Variants in PRDM16 observed in about 807,000 individuals in gnomAD.
The protein encoded by PRDM16 is histone-lysine N-methyltransferase PRDM16.
In PRDM16, 23 loss-of-function variants were observed where a neutral mutation model predicts 110.6. The observed-to-expected ratio is 0.21, with a 90% CI of 0.15 to 0.29. The LOEUF is 0.29. PRDM16 is among the 10% of genes least tolerant of loss of function. PRDM16 has a pLI of 1.00. For missense variants in PRDM16, 1,615 were observed against 1,794.3 expected, an observed-to-expected ratio of 0.90 and a Z score of 1.81; for synonymous variants, 799 against 781.8, an observed-to-expected ratio of 1.02 and a Z score of -0.37.
rs1171018150 is a variant in PRDM16, at chr1:3,244,395, G to A, written c.438+258G>A. ...GCCATCCGCCACTCTCCTAACTCCC[G>A]AGAGTGGAGGAGAGCCCTGTACCTG... On this transcript the variant is annotated intron_variant, in intron 3 of 16. Transcript: ENST00000270722. The surrounding 1 kb of genome is among the most constrained non-coding windows in gnomAD (Gnocchi z 4.1). Among the ~76,000 whole-genome samples the A allele has an allele frequency of 1.3e-5, 2 of 152,120 alleles. No homozygotes were observed. The highest frequency in any genetic ancestry group is 3.9e-4 in the East Asian group (2 of 5,152).
chr1:3,315,907 G>A (rs183145273), intron 3 of PRDM16, among the ~76,000 whole-genome samples: 39 of 151,616 alleles, frequency 2.6e-4, no homozygotes, highest in Non-Finnish European at 4.3e-4. Context: ...TGCGTTGCCC[G>A]AGTGGCGGTG....
chr1:3,333,152 G>A (rs1310158314), intron 3 of PRDM16, among the ~76,000 whole-genome samples: 1 of 152,220 alleles, frequency 6.6e-6, no homozygotes, highest in African/African-American at 2.4e-5. Context: ...CAGTGGCAGA[G>A]TCCAGGCAGC....
intron 3 of PRDM16, among the ~76,000 whole-genome samples, chr1:3,282,644 GA>G: frequency 6.6e-6 from 1 of 152,276 alleles, no homozygotes; most frequent in South Asian, 2.1e-4. Flanking sequence ...TTGGTGTCTG[GA>G]AAAAACTCGC....
rs755012135 is a variant in PRDM16 at position 3,265,715 on chromosome 1, CTG to C, written c.438+21581_438+21582del. 1.3e-5 allele frequency among the ~76,000 whole-genome samples: 2 copies of C among 152,096 alleles called. No homozygotes were observed. Among genetic ancestry groups the C allele is most frequent in the Non-Finnish European group, 2.9e-5 (2 of 67,998 alleles). On this transcript the variant is annotated intron_variant, in intron 3 of 16. Transcript: ENST00000270722. This position sits in a 1 kb window ranked among gnomAD's most constrained non-coding sequence, Gnocchi z 4.5. ...CTGGGAAGGTGAGGATGGGAGCTGA[CTG>C]TGGTTAATCAGGAGGTCACAGTTAG...
chr1:3,200,246 C>T (rs1174889991), intron 2 of PRDM16, among the ~76,000 whole-genome samples: 1 of 152,234 alleles, frequency 6.6e-6, no homozygotes, highest in Admixed American at 6.5e-5. Flanking sequence ...CCGAGGCTGC[C>T]CTGGATGGGG....
At chr1:3,309,812 A>T (rs111663651) in intron 3 of PRDM16, 13,056 of 152,354 alleles carry the variant, frequency 0.086, 1,773 homozygotes, top group African/African-American at 0.29. Context: ...AGGACCTGAG[A>T]AAGGGAAGGG....
chr1:3,244,020 T>C lies in PRDM16; in HGVS notation c.388-67T>C, dbSNP rs1036610064. On this transcript the variant is annotated intron_variant, in intron 2 of 16. Transcript: ENST00000270722. This position sits in a 1 kb window ranked among gnomAD's most constrained non-coding sequence, Gnocchi z 4.1. ...GGACAGTGGTTCTGCCCCCACCATT[T>C]AGAACCCAGTGTAGCTTGAGAATGT... 3.3e-6 allele frequency: 5 copies of C among 1,533,988 alleles called. No individual in the cohort carries two copies. In the African/African-American group the frequency reaches 6.8e-5, roughly 21 times the overall value.
rs893794589 is a variant in PRDM16, at chr1:3,069,535, G to T, written c.37+239G>T. Among the ~76,000 whole-genome samples, 4 of 148,270 alleles carry T rather than the reference G, an allele frequency of 2.7e-5. No individual in the cohort carries two copies. The highest frequency in any genetic ancestry group is 6.0e-5 in the Non-Finnish European group (4 of 66,506). On this transcript the variant is annotated intron_variant, in intron 1 of 16. Coordinates refer to ENST00000270722, the MANE Select transcript of PRDM16 (RefSeq NM_022114.4). This position sits in a 1 kb window ranked among gnomAD's most constrained non-coding sequence, Gnocchi z 6.1. ...CCGAAGGCGCCGGCCCCCTCCCCGC[G>T]GAACCCCCTCCCCCCCCACCAGTGT...
At chr1:3,084,466 C>G (rs978675232) in intron 1 of PRDM16, among the ~76,000 whole-genome samples, 3 of 152,202 alleles carry the variant, frequency 2.0e-5, no homozygotes, top group East Asian at 1.9e-4. Flanking sequence ...TATCTGCCCC[C>G]CTGGGAGGCA....
rs187708721 is a variant in PRDM16 at position 3,087,392 on chromosome 1, G to A, written c.37+18096G>A. 2.7e-3 allele frequency among the ~76,000 whole-genome samples: 404 copies of A among 152,330 alleles called. 1 individual carries two copies. Among genetic ancestry groups the A allele is most frequent in the South Asian group, 8.3e-3 (40 of 4,824 alleles). On this transcript the variant is annotated intron_variant, in intron 1 of 16. Transcript: ENST00000270722. Reference sequence around the variant, plus strand: ...CCACAGAGCACGGGCTGAGGAACGCGAGAGCAGGTGGACAGGAGTCCTGGA... The same window carrying A: ...CCACAGAGCACGGGCTGAGGAACGCAAGAGCAGGTGGACAGGAGTCCTGGA...
chr1:3,102,985 A>T (rs1379550635), intron 1 of PRDM16, among the ~76,000 whole-genome samples: 1 of 152,192 alleles, frequency 6.6e-6, no homozygotes, highest in Non-Finnish European at 1.5e-5. Context: ...TAAAACTAGA[A>T]GATGTGATCC....
At chr1:3,373,050 G>A (rs1001518418) in intron 3 of PRDM16, among the ~76,000 whole-genome samples, 2 of 152,194 alleles carry the variant, frequency 1.3e-5, no homozygotes, top group Non-Finnish European at 1.5e-5. Context: ...AACTCTCACC[G>A]CCGCAGGACC....
At chr1:3,356,267 C>CA (rs1642597968) in intron 3 of PRDM16, among the ~76,000 whole-genome samples, 1 of 152,198 alleles carries the variant, frequency 6.6e-6, no homozygotes, top group South Asian at 2.1e-4. Flanking sequence ...AAAGCCCCCC[C>CA]CAGCCCCCCT....
At chr1:3,368,890 T>A (rs1231045545) in intron 3 of PRDM16, among the ~76,000 whole-genome samples, 1 of 152,242 alleles carries the variant, frequency 6.6e-6, no homozygotes, top group Non-Finnish European at 1.5e-5. Context: ...GTTCTGCAGC[T>A]TCTATACACC....
At chr1:3,323,176 G>A (rs1006350282) in intron 3 of PRDM16, among the ~76,000 whole-genome samples, 1 of 152,220 alleles carries the variant, frequency 6.6e-6, no homozygotes, top group Non-Finnish European at 1.5e-5. Context: ...TCAGGACTTA[G>A]CCCTTGGGAA....
chr1:3,225,805 A>C (rs907413942), intron 2 of PRDM16, among the ~76,000 whole-genome samples: 1 of 152,186 alleles, frequency 6.6e-6, no homozygotes, highest in Non-Finnish European at 1.5e-5. Flanking sequence ...CACCTCCAGA[A>C]GTGTCGGATC....
chr1:3,220,597 C>T (rs186262548), intron 2 of PRDM16, among the ~76,000 whole-genome samples: 16 of 152,298 alleles, frequency 1.1e-4, no homozygotes, highest in South Asian at 4.1e-4. Context: ...TGAAATGCAA[C>T]GGAAGGCTGA....
intron 1 of PRDM16, among the ~76,000 whole-genome samples, chr1:3,115,960 T>C (rs914631669): frequency 6.6e-6 from 1 of 152,166 alleles, no homozygotes; most frequent in Non-Finnish European, 1.5e-5. Context: ...AGGCTGTCCA[T>C]GCCCCAGCCT....
chr1:3,422,185 G>A (rs1390796736), intron 12 of PRDM16, among the ~76,000 whole-genome samples: 3 of 149,582 alleles, frequency 2.0e-5, no homozygotes, highest in African/African-American at 7.4e-5. Flanking sequence ...CAGATAGATA[G>A]ATAGGTAGGC....
Sources: gnomAD v4.1 joint callset for allele counts (sites outside exome capture counted in the v4.1 genomes callset) on GRCh38, gnomAD v4.1.1 for gene constraint, Gnocchi (gnomAD v3.1) non-coding constraint, MANE v1.5 for transcripts, NCBI Gene and HGNC (gene_info 2026-07-23, HGNC 2026-07-21) for gene names.